Variants in OC90 observed in about 807,000 individuals in gnomAD.
OC90 encodes otoconin 90.
Under a neutral mutation model 47.3 loss-of-function variants are expected in OC90, and 46 were observed. The ratio of observed to expected loss-of-function variants is 0.97; its 90% confidence interval spans 0.77 to 1.24. The LOEUF (loss-of-function observed/expected upper bound fraction) is 1.24. Among genes scored for constraint, OC90 ranks in the 50% most tolerant of loss-of-function variants. The pLI is 0.00. For synonymous variants in OC90, 271 were observed against 219.5 expected, an observed-to-expected ratio of 1.23 and a Z score of -2.07; for missense variants, 688 against 583.9, an observed-to-expected ratio of 1.18 and a Z score of -1.84.
chr8:132,032,941 T>G, intron 11 of OC90, 98 bp downstream of exon 11: 41 of 1,346,674 alleles, frequency 3.0e-5, no homozygotes, highest in East Asian at 5.0e-5. Context: ...CACACCCCCA[T>G]GAGAAGGTCA....
chr8:132,043,900 T>C (rs1823094126), intron 4 of OC90, among the ~76,000 whole-genome samples: 1 of 152,232 alleles, frequency 6.6e-6, no homozygotes, highest in Non-Finnish European at 1.5e-5. Flanking sequence ...GTCAATCATA[T>C]TATAGTCTCT....
At chr8:132,037,306 G>C in intron 9 of OC90, 132 bp downstream of exon 9, 1 of 770,012 alleles carries the variant, frequency 1.3e-6, no homozygotes, top group Admixed American at 2.1e-5. Context: ...CTCATGAATA[G>C]TTTCACACCA....
chr8:132,037,485 A>T lies in OC90; in HGVS notation c.632T>A (p.Val211Asp). The stretch of plus-strand genomic sequence containing the variant: ...GCTGGTGTCTGTGGGCTCCACAGGA[A>T]CCACTGGAAAAAGAGAGTTCCCAAT... ...EDLTTLLPRV[V>D]PVEPTDTSLT... is the part of the protein sequence containing the mutation. The change falls in exon 9 of 14, where the codon GTT becomes GAT. Residue 211 changes from valine to aspartate, a missense_variant. Physicochemically the swap from Val to Asp is radical, Grantham distance 152. Transcript: ENST00000254627. 1 of 1,577,296 alleles carries T rather than the reference A, an allele frequency of 6.3e-7. No individual in the cohort carries two copies. Among genetic ancestry groups the T allele is most frequent in the Admixed American group, 1.8e-5 (1 of 54,850 alleles).
chr8:132,039,166 G>A, intron 6 of OC90, 43 bp from the exon 7 acceptor site: 1 of 1,558,404 alleles, frequency 6.4e-7, no homozygotes. Flanking sequence ...GATCTCAGCT[G>A]GAATCCCAAG....
intron 2 of OC90, among the ~76,000 whole-genome samples, chr8:132,054,069 A>C (rs1175183764): frequency 6.6e-6 from 1 of 152,186 alleles, no homozygotes; most frequent in Non-Finnish European, 1.5e-5. Flanking sequence ...GACCTTGCGG[A>C]GCTCCAACTA....
intron 13 of OC90, among the ~76,000 whole-genome samples, chr8:132,028,822 A>AG (rs1261117969): frequency 1.4e-5 from 2 of 142,102 alleles, no homozygotes; most frequent in Non-Finnish European, 1.6e-5. Context: ...AAAGAAAGAA[A>AG]AAGAAAGAAA....
chr8:132,052,741 T>C (rs1186119412), intron 2 of OC90, among the ~76,000 whole-genome samples: 1 of 152,186 alleles, frequency 6.6e-6, no homozygotes, highest in Admixed American at 6.5e-5. Context: ...TCAGTAAGCT[T>C]GTTACACACA....
chr8:132,038,056 G>A (rs1406700218), intron 8 of OC90, among the ~76,000 whole-genome samples: 1 of 152,042 alleles, frequency 6.6e-6, no homozygotes, highest in African/African-American at 2.4e-5. Flanking sequence ...CCAGCTCCAG[G>A]AGAAGGATGC....
chr8:132,047,664 A>T (rs545715372), intron 2 of OC90, among the ~76,000 whole-genome samples: 21 of 152,206 alleles, frequency 1.4e-4, no homozygotes, highest in Middle Eastern at 3.2e-3. Flanking sequence ...GCTTCTAAAA[A>T]GGTAAGTATT....
At chr8:132,050,008 T>C (rs1424743215) in intron 2 of OC90, 2 of 337,646 alleles carry the variant, frequency 5.9e-6, no homozygotes, top group Admixed American at 3.0e-5. Context: ...ATTATAAGGG[T>C]TTTTTTGTCC....
At chr8:132,034,449 A>C (rs1411351126) in intron 10 of OC90, among the ~76,000 whole-genome samples, 1 of 152,206 alleles carries the variant, frequency 6.6e-6, no homozygotes, top group East Asian at 1.9e-4. Flanking sequence ...TCTACAAGCC[A>C]AAGGAGATCC....
At chr8:132,049,046 G>T (rs767819552) in intron 2 of OC90, among the ~76,000 whole-genome samples, 2 of 151,622 alleles carry the variant, frequency 1.3e-5, no homozygotes, top group African/African-American at 2.4e-5. Flanking sequence ...AAACAATGAG[G>T]TTGACGATGA....
At position 132,041,036 on chromosome 8, in the gene OC90, A is replaced by G; in HGVS notation, c.457+8T>C. On this transcript the variant is annotated splice_region_variant and intron_variant, in intron 6 of 13. Coordinates refer to ENST00000254627, the MANE Select transcript of OC90 (RefSeq NM_001080399.3). ...GCCCAGGCCCCTGGGACACCTGGAG[A>G]TGCTTACCACATATGATCTTCTTGC... 6.5e-7 allele frequency: 1 copy of G among 1,527,350 alleles called. No homozygotes were observed. Among genetic ancestry groups the G allele is most frequent in the Non-Finnish European group, 9.1e-7 (1 of 1,100,954 alleles). 94.6% of individuals were successfully genotyped at this position (1,527,350 alleles called of 1,614,324 possible). A position where few individuals can be genotyped will look rare whatever the true frequency, so the allele number is the denominator to read the frequency against.
At chr8:132,058,162 G>A (rs897727143) in intron 1 of OC90, among the ~76,000 whole-genome samples, 2 of 152,196 alleles carry the variant, frequency 1.3e-5, no homozygotes, top group African/African-American at 2.4e-5. Flanking sequence ...TTAGAAGCAC[G>A]TGGTCAGCCC....
intron 2 of OC90, among the ~76,000 whole-genome samples, chr8:132,051,036 C>T (rs1304305276): frequency 6.6e-6 from 1 of 152,034 alleles, no homozygotes; most frequent in Non-Finnish European, 1.5e-5. Flanking sequence ...TAATTCCAGG[C>T]TCATGGAAGA....
chr8:132,040,868 G>T (rs1472783761), intron 6 of OC90, among the ~76,000 whole-genome samples, 176 bp downstream of exon 6: 1 of 152,226 alleles, frequency 6.6e-6, no homozygotes, highest in Non-Finnish European at 1.5e-5. Flanking sequence ...CCTCTACTCT[G>T]TGAAAGATAC....
intron 9 of OC90, chr8:132,036,296 C>G (rs1284085819): frequency 2.6e-6 from 2 of 776,814 alleles, no homozygotes; most frequent in African/African-American, 1.7e-5. Context: ...CAGGACTGAG[C>G]ACAGATTTTT....
rs1196498627 is a variant in OC90, at chr8:132,028,815, GAAAGAA to G, written c.1138+252_1138+257del. ...AAGAAGAAGGAAAGAAAGAAAGAAA[GAAAGAA>G]AAAGAAAGAAAGAAAGAAAAGGAAA... On this transcript the variant is annotated intron_variant, in intron 13 of 13. Transcript: ENST00000254627. Among the ~76,000 whole-genome samples the G allele has an allele frequency of 2.8e-4, 34 of 122,376 alleles. 1 individual carries two copies. Among genetic ancestry groups the G allele is most frequent in the African/African-American group, 9.6e-4 (31 of 32,156 alleles). 80.3% of individuals were successfully genotyped at this position (122,376 alleles called of 152,430 possible).
Position 132,041,175 on chromosome 8 carries a change from G to T in OC90, c.345-19C>A, listed in dbSNP as rs1478983066. ...GCAGCAGCTGTAGGAAGGCCGGGAGGAGGCAGGGTGAGAGTGTGGGTTAGA... is the reference window on the plus strand; with the variant it reads ...GCAGCAGCTGTAGGAAGGCCGGGAGTAGGCAGGGTGAGAGTGTGGGTTAGA... On this transcript the variant is annotated intron_variant, in intron 5 of 13. Transcript: ENST00000254627. 6.6e-7 allele frequency: 1 copy of T among 1,508,068 alleles called. No homozygotes were observed. The highest frequency in any genetic ancestry group is 9.2e-7 in the Non-Finnish European group (1 of 1,083,630). The allele number at this position is 1,508,068 out of a possible 1,614,324, so 93.4% of individuals were successfully genotyped here. A position where few individuals can be genotyped will look rare whatever the true frequency, so the allele number is the denominator to read the frequency against.
Sources: gnomAD v4.1 joint callset for allele counts (sites outside exome capture counted in the v4.1 genomes callset) on GRCh38, gnomAD v4.1.1 for gene constraint, MANE v1.5 for transcripts, NCBI Gene and HGNC (gene_info 2026-07-23, HGNC 2026-07-21) for gene names.